The following PDE1A variants were observed in gnomAD, a reference collection of about 807,000 sequenced individuals.
The protein encoded by PDE1A is phosphodiesterase 1A.
In PDE1A, 35 loss-of-function variants were observed where a neutral mutation model predicts 61.7. That is an observed-to-expected ratio of 0.57 (90% CI 0.43 to 0.75). PDE1A has a LOEUF of 0.75. Ranked by LOEUF, PDE1A falls within the 30% of genes least tolerant of loss-of-function variation. The pLI is 0.00. For missense variants in PDE1A, 597 were observed against 630.6 expected (o/e 0.95, Z 0.57); for synonymous variants, 232 against 213.2 (o/e 1.09, Z -0.77).
chr2:182,260,808 T>A (rs1297008111), intron 2 of PDE1A, among the ~76,000 whole-genome samples: 1 of 152,172 alleles, frequency 6.6e-6, no homozygotes, highest in Admixed American at 6.5e-5. Context: ...CAAACTTCAG[T>A]GTCTCTGAAG....
At chr2:182,377,235 G>A (rs1700463795) in intron 1 of PDE1A, among the ~76,000 whole-genome samples, 1 of 152,146 alleles carries the variant, frequency 6.6e-6, no homozygotes, top group Non-Finnish European at 1.5e-5. Flanking sequence ...TCCTGGCTTG[G>A]TGCTGTCTTG....
At position 182,312,114 on chromosome 2, in the gene PDE1A, T is replaced by C. The variant is rs568271055; in HGVS notation, c.54-47700A>G. Among the ~76,000 whole-genome samples the C allele has an allele frequency of 9.5e-4, 144 of 152,304 alleles. 3 individuals carry two copies. The South Asian group carries it at 0.028, about 29-fold the overall frequency. On this transcript the variant is annotated intron_variant, in intron 1 of 13. Coordinates refer to ENST00000351439, the Ensembl canonical transcript of PDE1A. Reference sequence around the variant, plus strand: ...GATGGAAGTGTCTTTTAAATTTTTTTCCCATTTTTAGTTGAATTATTTTTA... The same window carrying C: ...GATGGAAGTGTCTTTTAAATTTTTTCCCCATTTTTAGTTGAATTATTTTTA...
At chr2:182,488,802 G>T (rs373523777) in intron 2 of PDE1A, among the ~76,000 whole-genome samples, 2 of 152,164 alleles carry the variant, frequency 1.3e-5, no homozygotes, top group Admixed American at 1.3e-4. Context: ...AACACAGTCT[G>T]ATAATATGAC....
chr2:182,516,883 A>C (rs1690235994), intron 2 of PDE1A, among the ~76,000 whole-genome samples: 1 of 146,922 alleles, frequency 6.8e-6, no homozygotes, highest in Non-Finnish European at 1.5e-5. Context: ...AATCTTTGTG[A>C]TTACATTAGG....
At chr2:182,482,358 G>C (rs1687755359) in intron 2 of PDE1A, among the ~76,000 whole-genome samples, 1 of 151,730 alleles carries the variant, frequency 6.6e-6, no homozygotes, top group East Asian at 1.9e-4. Context: ...TCTAGTTAAA[G>C]TATAAGAAAA....
At chr2:182,673,155 A>C in the PDE1A span, among the ~76,000 whole-genome samples, 1 of 152,184 alleles carries the variant, frequency 6.6e-6, no homozygotes, top group African/African-American at 2.4e-5. Flanking sequence ...ATCATTAGCC[A>C]CATGCCATTT....
chr2:182,411,321 G>T (rs544033851), intron 1 of PDE1A, among the ~76,000 whole-genome samples: 6 of 152,206 alleles, frequency 3.9e-5, no homozygotes, highest in African/African-American at 1.4e-4. Context: ...TGCGATATTT[G>T]CACACACTGT....
At chr2:182,498,432 T>C (rs980065782) in intron 2 of PDE1A, among the ~76,000 whole-genome samples, 1 of 152,124 alleles carries the variant, frequency 6.6e-6, no homozygotes, top group South Asian at 2.1e-4. Flanking sequence ...TTTTGTATTT[T>C]TTTAAAAAGG....
the PDE1A span, among the ~76,000 whole-genome samples, chr2:182,646,296 TA>T: frequency 3.8e-4 from 44 of 114,320 alleles, no homozygotes; most frequent in Admixed American, 8.9e-4. Flanking sequence ...AAAAATACAT[TA>T]AAAAAAAAAA....
At chr2:182,387,440 A>C (rs769477250) in intron 1 of PDE1A, among the ~76,000 whole-genome samples, 1 of 151,660 alleles carries the variant, frequency 6.6e-6, no homozygotes, top group Non-Finnish European at 1.5e-5. Flanking sequence ...AGAAAGAAAG[A>C]GAGAAAGAAA....
chr2:182,662,352 CAA>C, the PDE1A span, among the ~76,000 whole-genome samples: 2 of 115,526 alleles, frequency 1.7e-5, no homozygotes, highest in East Asian at 2.6e-4. Flanking sequence ...AAAAAAAAAA[CAA>C]AAAAAAACTT....
At chr2:182,431,599 G>A (rs1449530957), upstream of PDE1A, among the ~76,000 whole-genome samples, 2 of 152,118 alleles carry the variant, frequency 1.3e-5, no homozygotes, top group African/African-American at 2.4e-5. Context: ...TCCAAGGTAA[G>A]TCATTCACAA....
the PDE1A span, among the ~76,000 whole-genome samples, chr2:182,574,749 T>G: frequency 1.3e-5 from 2 of 152,218 alleles, no homozygotes; most frequent in African/African-American, 2.4e-5. Flanking sequence ...TGGAGTGCAT[T>G]GGCACAACCT....
chr2:182,193,395 T>C (rs1685878196), intron 10 of PDE1A, among the ~76,000 whole-genome samples: 1 of 152,114 alleles, frequency 6.6e-6, no homozygotes, highest in Non-Finnish European at 1.5e-5. Context: ...GCAACGTCGA[T>C]AACAAATATG....
chr2:182,517,155 T>C (rs1356408088), intron 2 of PDE1A, among the ~76,000 whole-genome samples: 1 of 152,216 alleles, frequency 6.6e-6, no homozygotes, highest in Non-Finnish European at 1.5e-5. Flanking sequence ...AAGATAAATA[T>C]AATGTTAGAG....
chr2:182,264,406 C>T (rs1190551510), exon 2 of PDE1A: 2 of 1,611,770 alleles, frequency 1.2e-6, no homozygotes, highest in South Asian at 2.2e-5. Context: ...CTTCACCAAG[C>T]ATCTTAGTCT....
At chr2:182,596,804 T>A in the PDE1A span, among the ~76,000 whole-genome samples, 1 of 152,120 alleles carries the variant, frequency 6.6e-6, no homozygotes, top group South Asian at 2.1e-4. Flanking sequence ...ACCAGAAAGC[T>A]GATTTTTAAA....
rs182238519 is a variant in PDE1A, at chr2:182,157,845, T to C, written c.1517-10693A>G. On this transcript the variant is annotated intron_variant, in intron 13 of 13. Transcript: ENST00000409365. Reference sequence around the variant, plus strand: ...CCCCAGAAATAAATGTTTTTCCATCTCATCTTTTAGCTTGAAGCCACCAAA... The same window carrying C: ...CCCCAGAAATAAATGTTTTTCCATCCCATCTTTTAGCTTGAAGCCACCAAA... 3.9e-5 allele frequency among the ~76,000 whole-genome samples: 6 copies of C among 152,326 alleles called. No homozygotes were observed. In the East Asian group the frequency reaches 1.2e-3, roughly 29 times the overall value.
the PDE1A span, among the ~76,000 whole-genome samples, chr2:182,647,483 A>G: frequency 2.6e-5 from 4 of 152,214 alleles, no homozygotes; most frequent in Non-Finnish European, 4.4e-5. Context: ...TAATGTGCCA[A>G]GAGCCTCATG....
Sources: allele counts gnomAD v4.1 joint callset (sites outside exome capture counted in the v4.1 genomes callset), GRCh38; gene constraint gnomAD v4.1.1; transcripts MANE v1.5; gene names NCBI Gene and HGNC (gene_info 2026-07-23, HGNC 2026-07-21).